Variants in THSD7A observed in about 807,000 individuals in gnomAD.
The protein encoded by THSD7A is thrombospondin type-1 domain-containing protein 7A.
In THSD7A, 96 loss-of-function variants were observed where a neutral mutation model predicts 231.3. The observed-to-expected ratio is 0.41, with a 90% confidence interval of 0.35 to 0.49. The LOEUF (loss-of-function observed/expected upper bound fraction) is 0.49. Ranked by LOEUF, THSD7A falls within the 20% of genes least tolerant of loss-of-function variation. The pLI, the probability that THSD7A is intolerant of heterozygous loss-of-function variation, is 0.05. For synonymous variants in THSD7A, 940 were observed against 743.3 expected (o/e 1.26, Z -4.30); for missense variants, 2,290 against 2,070.2 (o/e 1.11, Z -2.06).
chr7:11,764,569 CAAAAA>C (rs11423096), intron 1 of THSD7A, among the ~76,000 whole-genome samples: 1 of 106,326 alleles, frequency 9.4e-6, no homozygotes, highest in Admixed American at 9.6e-5. Context: ...GACTCCGTCT[CAAAAA>C]AAAAAAAAAA....
At chr7:11,464,343 C>G (rs1785618098) in intron 9 of THSD7A, among the ~76,000 whole-genome samples, 1 of 151,966 alleles carries the variant, frequency 6.6e-6, no homozygotes, top group African/African-American at 2.4e-5. Flanking sequence ...AGATAGAGGA[C>G]AGACACAGGA....
At chr7:11,556,234 A>G (rs1789837942) in intron 4 of THSD7A, among the ~76,000 whole-genome samples, 1 of 151,000 alleles carries the variant, frequency 6.6e-6, no homozygotes, top group Admixed American at 6.6e-5. Flanking sequence ...TAGCTCTTTT[A>G]GTGTTTGCTG....
In THSD7A at chr7:11,374,916, T is replaced by G. The variant is rs1023675135; in HGVS notation, c.*878A>C. 1 of 152,214 alleles carries G rather than the reference T, an allele frequency of 6.6e-6. No homozygotes were observed. Among genetic ancestry groups the G allele is most frequent in the African/African-American group, 2.4e-5 (1 of 41,550 alleles). 9.4% of individuals were successfully genotyped at this position (152,214 alleles called of 1,614,324 possible). A position where few individuals can be genotyped will look rare whatever the true frequency, so the allele number is the denominator to read the frequency against. On this transcript the variant is annotated 3_prime_UTR_variant, in exon 28 of 28. Coordinates refer to ENST00000423059, the MANE Select transcript of THSD7A (RefSeq NM_015204.3). The stretch of plus-strand genomic sequence containing the variant: ...CTTCATGCCACTCTTGGCACAGATG[T>G]CTTCATCCCACATGAAAAGAGGCAG...
chr7:11,529,540 G>C (rs1043940171), intron 6 of THSD7A, among the ~76,000 whole-genome samples: 1 of 152,048 alleles, frequency 6.6e-6, no homozygotes, highest in Non-Finnish European at 1.5e-5. Flanking sequence ...TGCTGCTCTT[G>C]TGATAGTGAG....
intron 1 of THSD7A, among the ~76,000 whole-genome samples, chr7:11,675,219 G>T (rs9986831): frequency 0.43 from 65,954 of 151,830 alleles, 15,167 homozygotes; most frequent in Admixed American, 0.53. Context: ...TGCTGTGAGG[G>T]ACAGTGCTAT....
chr7:11,624,469 T>G (rs17164914), intron 2 of THSD7A, among the ~76,000 whole-genome samples: 3,821 of 152,236 alleles, frequency 0.025, 124 homozygotes, highest in East Asian at 0.14. Flanking sequence ...ACAGATAACC[T>G]GCTCATTCGA....
chr7:11,766,257 G>A (rs1008836777), intron 1 of THSD7A, among the ~76,000 whole-genome samples: 13 of 152,122 alleles, frequency 8.5e-5, no homozygotes, highest in African/African-American at 2.9e-4. Context: ...CACTTAACAA[G>A]AAGAAAGGCC....
At chr7:11,518,721 G>C (rs554637436) in intron 6 of THSD7A, among the ~76,000 whole-genome samples, 2 of 152,134 alleles carry the variant, frequency 1.3e-5, no homozygotes, top group African/African-American at 2.4e-5. Flanking sequence ...TGGTGCTCTG[G>C]AAAATTAAAA....
chr7:11,464,163 T>C (rs1458878052), intron 9 of THSD7A, among the ~76,000 whole-genome samples: 2 of 139,060 alleles, frequency 1.4e-5, no homozygotes, highest in Non-Finnish European at 3.0e-5. Context: ...GTCCATAATC[T>C]TTTTTTTTTA....
chr7:11,705,384 C>T (rs1328996511), intron 1 of THSD7A, among the ~76,000 whole-genome samples: 1 of 150,996 alleles, frequency 6.6e-6, no homozygotes, highest in East Asian at 2.0e-4. Flanking sequence ...TGCATTATCC[C>T]ATTTAAATAA....
At chr7:11,751,371 A>C (rs1378490877) in intron 1 of THSD7A, 1 of 152,000 alleles carries the variant, frequency 6.6e-6, no homozygotes, top group Non-Finnish European at 1.5e-5. Context: ...ACACTAGAAA[A>C]AGTGTCTTCT....
intron 1 of THSD7A, among the ~76,000 whole-genome samples, chr7:11,673,347 C>T (rs1169001593): frequency 2.0e-5 from 3 of 152,056 alleles, no homozygotes; most frequent in Admixed American, 6.5e-5. Flanking sequence ...TAGTTTGAAC[C>T]CTCATGGACT....
At chr7:11,682,767 A>G (rs1783916379) in intron 1 of THSD7A, among the ~76,000 whole-genome samples, 1 of 152,032 alleles carries the variant, frequency 6.6e-6, no homozygotes, top group Admixed American at 6.6e-5. Flanking sequence ...TCTAATAGAC[A>G]TCTACAGAAT....
chr7:11,782,985 C>A (rs7793467), intron 1 of THSD7A, among the ~76,000 whole-genome samples: 77,587 of 151,860 alleles, frequency 0.51, 20,375 homozygotes, highest in East Asian at 0.64. Context: ...GCAGACTCTG[C>A]TACAATGATT....
At chr7:11,585,506 GA>G (rs1183135288) in intron 4 of THSD7A, among the ~76,000 whole-genome samples, 1 of 152,106 alleles carries the variant, frequency 6.6e-6, no homozygotes, top group Non-Finnish European at 1.5e-5. Flanking sequence ...ATATAAACAA[GA>G]GAGTTAAGTT....
At chr7:11,666,029 A>G (rs1321966510) in intron 1 of THSD7A, among the ~76,000 whole-genome samples, 1 of 152,086 alleles carries the variant, frequency 6.6e-6, no homozygotes. Flanking sequence ...ATTTTACTAC[A>G]CTGATTCCCA....
intron 2 of THSD7A, among the ~76,000 whole-genome samples, chr7:11,599,841 T>C (rs1056567726): frequency 1.6e-4 from 24 of 150,704 alleles, no homozygotes; most frequent in Non-Finnish European, 3.0e-4. Context: ...TTTGAGTCAA[T>C]GGGCTGGGAA....
chr7:11,382,578 AAGCACTGGCCATCCATTTATATTCAT>A lies in THSD7A; in HGVS notation c.4424_4449del (p.Tyr1475LeufsTer29). 1 of 1,612,964 alleles carries A rather than the reference AAGCACTGGCCATCCATTTATATTCAT, an allele frequency of 6.2e-7. No individual in the cohort carries two copies. Among genetic ancestry groups the A allele is most frequent in the Non-Finnish European group, 8.5e-7 (1 of 1,179,254 alleles). On this transcript the variant is annotated frameshift_variant, in exon 24 of 28. Transcript: ENST00000423059. LOFTEE classifies it high-confidence loss of function. ...CACACTGTTCGGGAAGAGCCCTTCC[AAGCACTGGCCATCCATTTATATTCAT>A]AGCACTGTCCATCTGCAGGGAAATA...
chr7:11,625,834 A>G (rs907820555), intron 2 of THSD7A, among the ~76,000 whole-genome samples: 9 of 152,092 alleles, frequency 5.9e-5, no homozygotes, highest in Non-Finnish European at 1.3e-4. Context: ...AATACTACCC[A>G]CATCAAGCCA....
Sources: gnomAD v4.1 joint callset for allele counts (sites outside exome capture counted in the v4.1 genomes callset) on GRCh38, gnomAD v4.1.1 for gene constraint, MANE v1.5 for transcripts, NCBI Gene and HGNC (gene_info 2026-07-23, HGNC 2026-07-21) for gene names.